Variants in SLC18A2 observed in about 807,000 individuals in gnomAD.
SLC18A2 encodes the protein solute carrier family 18 member A2.
SLC18A2 carries 33 observed loss-of-function variants against 59.2 expected under a neutral mutation model. That is an observed-to-expected ratio of 0.56 (90% confidence interval 0.42 to 0.75). The LOEUF is 0.75. SLC18A2 is among the 30% of genes least tolerant of loss of function. The pLI is 0.00. For missense variants in SLC18A2, 569 were observed against 668.6 expected (o/e 0.85, Z 1.64); for synonymous variants, 228 against 253.5 (o/e 0.90, Z 0.95).
chr10:117,268,215 T>G (rs542631208), intron 13 of SLC18A2: 1 of 154,624 alleles, frequency 6.5e-6, no homozygotes, highest in South Asian at 2.0e-4. Flanking sequence ...GATAATATGT[T>G]AGGAAAAATC....
intron 15 of SLC18A2, among the ~76,000 whole-genome samples, chr10:117,271,213 T>A (rs192899617): frequency 2.6e-4 from 40 of 152,332 alleles, no homozygotes; most frequent in Admixed American, 7.8e-4. Flanking sequence ...GATAGGTACT[T>A]GTCCAGGTGA....
At chr10:117,265,892 C>A (rs1844342128) in intron 10 of SLC18A2, among the ~76,000 whole-genome samples, 1 of 152,034 alleles carries the variant, frequency 6.6e-6, no homozygotes, top group South Asian at 2.1e-4. Context: ...GAGTTTGAGC[C>A]CAGCCTGGCC....
At position 117,277,163 on chromosome 10, in the gene SLC18A2, C is replaced by G; in HGVS notation, c.1442C>G (p.Ala481Gly). 6.4e-7 allele frequency: 1 copy of G among 1,567,410 alleles called. No individual in the cohort carries two copies. Among genetic ancestry groups the G allele is most frequent in the Non-Finnish European group, 8.8e-7 (1 of 1,139,846 alleles). ...TACTTGCACTTTGCTCTCTTTTAGGCTATTCTCATGGATCACAACTGCCCT... is the reference window on the plus strand; with the variant it reads ...TACTTGCACTTTGCTCTCTTTTAGGGTATTCTCATGGATCACAACTGCCCT... Reference protein sequence around the residue: ...RSPPAKEEKMAILMDHNCPIK... With the variant: ...RSPPAKEEKMGILMDHNCPIK... The change falls in exon 16 of 16, where the codon GCT (alanine) becomes GGT (glycine). Residue 481 changes from alanine to glycine, a missense_variant and splice_region_variant. Around this residue, in one of 2 missense-constraint regions of SLC18A2, gnomAD observed 192 missense variants for 278.8 expected, o/e 0.69. Coordinates refer to ENST00000644641, the MANE Select transcript of SLC18A2 (RefSeq NM_003054.6).
In SLC18A2 at chr10:117,254,103, C is replaced by T; in HGVS notation, c.579C>T (p.Gly193=). ...TGCTGATTGCCAGGTCGCTGCAGGG[C>T]ATCGGCTCGTCCTGCTCCTCTGTGG... ...AFLLIARSLQ[G]IGSSCSSVAG... is the part of the protein sequence containing the mutation. The change falls in exon 5 of 16, where the codon GGC becomes GGT. Residue 193 remains glycine, a synonymous_variant. Coordinates refer to ENST00000644641, the MANE Select transcript of SLC18A2 (RefSeq NM_003054.6). 1.2e-6 allele frequency: 2 copies of T among 1,613,602 alleles called. No homozygotes were observed. Among genetic ancestry groups the T allele is most frequent in the Non-Finnish European group, 1.7e-6 (2 of 1,180,038 alleles).
At chr10:117,243,288 ACT>A (rs758673806) in intron 2 of SLC18A2, among the ~76,000 whole-genome samples, 4 of 152,168 alleles carry the variant, frequency 2.6e-5, no homozygotes, top group Non-Finnish European at 4.4e-5. Flanking sequence ...CCAGGTCAGC[ACT>A]CTCTTAACGT....
chr10:117,277,180 A>C lies in SLC18A2; in HGVS notation c.1459A>C (p.Asn487His). The C allele has an allele frequency of 6.2e-7, 1 of 1,603,476 alleles. No individual in the cohort carries two copies. Residue 487 changes from asparagine (N) to histidine (H), a missense_variant, in exon 16 of 16, where the codon AAC becomes CAC. Transcript: ENST00000644641. ...EEKMAILMDH[N>H]CPIKTKMYTQ... is the part of the protein sequence containing the mutation. ...CTTTTAGGCTATTCTCATGGATCAC[A>C]ACTGCCCTATTAAAACAAAAATGTA... is the stretch of plus-strand genomic sequence containing the variant.
intron 15 of SLC18A2, among the ~76,000 whole-genome samples, chr10:117,274,898 G>A (rs1844467478): frequency 6.6e-6 from 1 of 152,132 alleles, no homozygotes; most frequent in Non-Finnish European, 1.5e-5. Context: ...TGTCCCGTCA[G>A]CTGTTGTCAG....
chr10:117,258,585 C>T (rs929529020), intron 10 of SLC18A2, among the ~76,000 whole-genome samples: 1 of 149,730 alleles, frequency 6.7e-6, no homozygotes, highest in Admixed American at 6.7e-5. Context: ...TTTTTTTTAT[C>T]AAAGTTACAC....
intron 15 of SLC18A2, among the ~76,000 whole-genome samples, chr10:117,270,995 G>A (rs1844419368): frequency 6.6e-6 from 1 of 152,190 alleles, no homozygotes; most frequent in African/African-American, 2.4e-5. Flanking sequence ...ATAACTTTAT[G>A]ACCAAAATTA....
intron 3 of SLC18A2, among the ~76,000 whole-genome samples, chr10:117,252,134 ATTTTT>A (rs57101171): frequency 6.8e-5 from 3 of 44,348 alleles, no homozygotes; most frequent in East Asian, 8.0e-4. Flanking sequence ...CATTTTTTGT[ATTTTT>A]TTTTTTTTTT....
At chr10:117,267,580 C>A in intron 12 of SLC18A2, 93 bp from the exon 13 acceptor site, 1 of 916,534 alleles carries the variant, frequency 1.1e-6, no homozygotes, top group Non-Finnish European at 1.7e-6. Context: ...ACAGGCATAC[C>A]ACGCTCAGAG....
chr10:117,261,893 T>C (rs1844297577), intron 10 of SLC18A2, among the ~76,000 whole-genome samples: 1 of 152,156 alleles, frequency 6.6e-6, no homozygotes, highest in Non-Finnish European at 1.5e-5. Context: ...CACTGAGCGA[T>C]GCACTGTCAA....
At position 117,241,406 on chromosome 10, in the gene SLC18A2, C is replaced by T. The variant is rs1844050270; in HGVS notation, c.-16+186C>T. ...CGAGCGTGCAGTTTGGGAGGTGGCA[C>T]AGTTGGGGGCGGCGGGGATCAGGGC... On this transcript the variant is annotated intron_variant, in intron 1 of 15. Transcript: ENST00000644641. 2.0e-5 allele frequency among the ~76,000 whole-genome samples: 3 copies of T among 150,778 alleles called. No individual in the cohort carries two copies. In the South Asian group the frequency reaches 6.3e-4, roughly 31 times the overall value.
In SLC18A2 at chr10:117,243,965, C is replaced by A. The variant is rs1844081399; in HGVS notation, c.122-6C>A. The A allele has an allele frequency of 2.5e-6, 4 of 1,608,352 alleles. No homozygotes were observed. The highest frequency in any genetic ancestry group is 3.4e-6 in the Non-Finnish European group (4 of 1,176,282). On this transcript the variant is annotated splice_region_variant and splice_polypyrimidine_tract_variant and intron_variant, in intron 2 of 15. Transcript: ENST00000644641. ...CACCACCTTGCCATTCTGCTCTTAT[C>A]CCCAGTCCCCATCATCCCAAGTTAT... is the stretch of plus-strand genomic sequence containing the variant.
chr10:117,273,423 C>T (rs1844449406), intron 15 of SLC18A2, among the ~76,000 whole-genome samples: 1 of 152,160 alleles, frequency 6.6e-6, no homozygotes, highest in Admixed American at 6.5e-5. Context: ...AGTCACGCTT[C>T]TTAATTTTAC....
chr10:117,252,890 T>G (rs990187956), intron 3 of SLC18A2, among the ~76,000 whole-genome samples: 1 of 152,094 alleles, frequency 6.6e-6, no homozygotes, highest in African/African-American at 2.4e-5. Context: ...GATTTTGAAA[T>G]TTTGCACAGA....
At chr10:117,254,592 A>G in intron 6 of SLC18A2, 95 bp downstream of exon 6, 1 of 734,778 alleles carries the variant, frequency 1.4e-6, no homozygotes, top group Non-Finnish European at 2.1e-6. Flanking sequence ...CGCAGTTTGC[A>G]CTGACACAGA....
At chr10:117,274,463 T>A (rs755430868) in intron 15 of SLC18A2, among the ~76,000 whole-genome samples, 3 of 152,110 alleles carry the variant, frequency 2.0e-5, no homozygotes, top group Non-Finnish European at 4.4e-5. Flanking sequence ...CTAATGTGGA[T>A]GAGCCAAGAG....
chr10:117,243,900 T>G, intron 2 of SLC18A2, 71 bp from the exon 3 acceptor site: 1 of 1,313,050 alleles, frequency 7.6e-7, no homozygotes, highest in Non-Finnish European at 1.1e-6. Flanking sequence ...CAACCATAGT[T>G]TTTTGCTGGC....
Sources: allele counts gnomAD v4.1 joint callset (sites outside exome capture counted in the v4.1 genomes callset), GRCh38; gene constraint gnomAD v4.1.1; regional missense constraint gnomAD v4.1.1; transcripts MANE v1.5; gene names NCBI Gene and HGNC (gene_info 2026-07-23, HGNC 2026-07-21).